The following PAPSS1 variants were observed in gnomAD, a reference collection of about 807,000 sequenced individuals.
The protein encoded by PAPSS1 is bifunctional 3'-phosphoadenosine 5'-phosphosulfate synthase 1.
Under a neutral mutation model 72.0 loss-of-function variants are expected in PAPSS1, and 50 were observed. The observed-to-expected ratio is 0.69, with a 90% CI of 0.55 to 0.88. The LOEUF (loss-of-function observed/expected upper bound fraction) is 0.88. PAPSS1 is among the 40% of genes least tolerant of loss of function. The probability of loss-of-function intolerance (pLI) is 0.00; values close to 1 mark genes in which losing one functional copy is unlikely to be tolerated. For synonymous variants in PAPSS1, 261 were observed against 263.6 expected (o/e 0.99, Z 0.09); for missense variants, 657 against 782.2 (o/e 0.84, Z 1.91).
At chr4:107,674,118 G>A (rs554450684) in intron 5 of PAPSS1, among the ~76,000 whole-genome samples, 3 of 152,022 alleles carry the variant, frequency 2.0e-5, no homozygotes, top group African/African-American at 2.4e-5. Flanking sequence ...GACCGAAACC[G>A]CATCAACTAA....
At position 107,653,062 on chromosome 4, in the gene PAPSS1, T is replaced by TATATATATGAATACATATATGA. The variant is rs1393501144; in HGVS notation, c.1237+407_1237+428dup. Among the ~76,000 whole-genome samples, 1,271 of 150,200 alleles carry TATATATATGAATACATATATGA rather than the reference T, an allele frequency of 8.5e-3. 25 individuals carry two copies. The highest frequency in any genetic ancestry group is 0.03 in the African/African-American group (1,216 of 40,924). On this transcript the variant is annotated intron_variant, in intron 9 of 11. Transcript: ENST00000265174. ...TACATGACATTCATATATATATGAA[T>TATATATATGAATACATATATGA]ATATATATGAATACATATATGAATA...
At chr4:107,698,704 G>A (rs750703498) in intron 2 of PAPSS1, among the ~76,000 whole-genome samples, 1 of 152,164 alleles carries the variant, frequency 6.6e-6, no homozygotes, top group East Asian at 1.9e-4. Context: ...GGACAAGTCC[G>A]AGAGTTAAAA....
intron 9 of PAPSS1, among the ~76,000 whole-genome samples, chr4:107,651,206 G>A (rs1166130030): frequency 6.6e-6 from 1 of 152,162 alleles, no homozygotes; most frequent in Non-Finnish European, 1.5e-5. Flanking sequence ...AAACCCTAAA[G>A]AAGCCACGAA....
chr4:107,634,902 A>G (rs1309107539), intron 10 of PAPSS1, among the ~76,000 whole-genome samples: 3 of 146,164 alleles, frequency 2.1e-5, no homozygotes, highest in Non-Finnish European at 4.4e-5. Flanking sequence ...GGTTCACACC[A>G]TTCTCCTGCC....
At chr4:107,678,567 G>A (rs980779323) in intron 5 of PAPSS1, among the ~76,000 whole-genome samples, 3 of 152,066 alleles carry the variant, frequency 2.0e-5, no homozygotes, top group Non-Finnish European at 4.4e-5. Flanking sequence ...GGAGGAAGAG[G>A]TAGTTGCAAT....
chr4:107,688,989 A>G (rs1722853491), intron 3 of PAPSS1, among the ~76,000 whole-genome samples: 1 of 152,176 alleles, frequency 6.6e-6, no homozygotes, highest in African/African-American at 2.4e-5. Context: ...ACATTAATTC[A>G]GTCACAAAGT....
intron 10 of PAPSS1, among the ~76,000 whole-genome samples, chr4:107,632,251 A>C (rs530467553): frequency 6.6e-6 from 1 of 152,174 alleles, no homozygotes; most frequent in Non-Finnish European, 1.5e-5. Flanking sequence ...GGCAACTGCA[A>C]GGAGCTTCTG....
intron 6 of PAPSS1, 137 bp from the exon 7 acceptor site, chr4:107,657,144 A>G (rs994099425): frequency 6.7e-6 from 4 of 599,520 alleles, no homozygotes; most frequent in Non-Finnish European, 1.2e-5. Context: ...TACCAAACTA[A>G]CAAAGAATAA....
chr4:107,621,541 T>A (rs1023467527), intron 11 of PAPSS1, among the ~76,000 whole-genome samples: 1 of 149,528 alleles, frequency 6.7e-6, no homozygotes, highest in Non-Finnish European at 1.5e-5. Context: ...CACCCAAGAA[T>A]GCATCAAAAT....
At chr4:107,661,980 T>C (rs755495404) in intron 5 of PAPSS1, among the ~76,000 whole-genome samples, 2 of 152,204 alleles carry the variant, frequency 1.3e-5, no homozygotes, top group African/African-American at 2.4e-5. Flanking sequence ...AAGAGACAGT[T>C]CAGCAATGGC....
chr4:107,635,092 T>C (rs1051506746), intron 10 of PAPSS1, among the ~76,000 whole-genome samples: 8 of 152,182 alleles, frequency 5.3e-5, no homozygotes, highest in Admixed American at 3.9e-4. Context: ...GCCACCGCGC[T>C]TGGCCTATTC....
At chr4:107,629,675 A>G (rs768875281) in intron 11 of PAPSS1, among the ~76,000 whole-genome samples, 14 of 152,186 alleles carry the variant, frequency 9.2e-5, no homozygotes, top group Admixed American at 1.3e-4. Flanking sequence ...AATGACTACT[A>G]AGAGGCAGAA....
In PAPSS1 at chr4:107,676,424, C is replaced by T. The variant is rs192314780; in HGVS notation, c.669+5591G>A. Among the ~76,000 whole-genome samples the T allele has an allele frequency of 1.8e-3, 272 of 152,278 alleles. 1 individual carries two copies. Among genetic ancestry groups the T allele is most frequent in the African/African-American group, 6.1e-3 (255 of 41,546 alleles). On this transcript the variant is annotated intron_variant, in intron 5 of 11. Coordinates refer to ENST00000265174, the MANE Select transcript of PAPSS1 (RefSeq NM_005443.5). ...CAGAGAGCCAAATCATGAGTGAACT[C>T]CCATTCACAATGGCTTCAAACAGAA...
At chr4:107,692,496 T>G (rs1482123694) in intron 3 of PAPSS1, among the ~76,000 whole-genome samples, 5 of 152,102 alleles carry the variant, frequency 3.3e-5, no homozygotes, top group Non-Finnish European at 5.9e-5. Flanking sequence ...TAGATGCTGG[T>G]GAGCTCGTGG....
chr4:107,625,561 A>G (rs1432425894), intron 11 of PAPSS1, among the ~76,000 whole-genome samples: 2 of 152,196 alleles, frequency 1.3e-5, no homozygotes, highest in Non-Finnish European at 1.5e-5. Context: ...TCGGCTAATA[A>G]CAGGGTTCAG....
rs146694239 is a variant in PAPSS1 at position 107,704,788 on chromosome 4, T to C, written c.61-3503A>G. ...CAATGTGGAGAAACCCCGTCTCTACTAAAAATACAAAAATTAGCCGGGAAT... is the reference window on the plus strand; with the variant it reads ...CAATGTGGAGAAACCCCGTCTCTACCAAAAATACAAAAATTAGCCGGGAAT... On this transcript the variant is annotated intron_variant, in intron 1 of 11. Transcript: ENST00000265174. 2.2e-3 allele frequency among the ~76,000 whole-genome samples: 333 copies of C among 152,104 alleles called. 2 individuals carry two copies. The highest frequency in any genetic ancestry group is 7.6e-3 in the African/African-American group (317 of 41,498).
At chr4:107,692,470 G>A (rs1197691699) in intron 3 of PAPSS1, among the ~76,000 whole-genome samples, 1 of 152,070 alleles carries the variant, frequency 6.6e-6, no homozygotes, top group African/African-American at 2.4e-5. Context: ...GCTGTTATTA[G>A]AAAATCAGGA....
At chr4:107,663,694 C>G (rs1727246810) in intron 5 of PAPSS1, among the ~76,000 whole-genome samples, 1 of 152,158 alleles carries the variant, frequency 6.6e-6, no homozygotes, top group Non-Finnish European at 1.5e-5. Context: ...TTAGAGTATG[C>G]TTGCTACATG....
intron 9 of PAPSS1, among the ~76,000 whole-genome samples, chr4:107,651,263 T>C (rs1726832327): frequency 6.6e-6 from 1 of 152,188 alleles, no homozygotes; most frequent in Non-Finnish European, 1.5e-5. Flanking sequence ...TATGGAGCAC[T>C]GAAGAGTGGG....
Sources: gnomAD v4.1 joint callset for allele counts (sites outside exome capture counted in the v4.1 genomes callset) on GRCh38, gnomAD v4.1.1 for gene constraint, MANE v1.5 for transcripts, NCBI Gene and HGNC (gene_info 2026-07-23, HGNC 2026-07-21) for gene names.